Variants in HDAC9 observed in about 807,000 individuals in gnomAD.
The protein encoded by HDAC9 is histone deacetylase 9.
In HDAC9, 41 loss-of-function variants were observed where a neutral mutation model predicts 139.4. The observed-to-expected ratio is 0.29, with a 90% CI of 0.23 to 0.38. The LOEUF (loss-of-function observed/expected upper bound fraction) is 0.38, where lower values mean the gene tolerates loss of function less well. Ranked by LOEUF, HDAC9 falls within the 10% of genes least tolerant of loss-of-function variation. HDAC9 has a pLI of 1.00. For synonymous variants in HDAC9, 517 were observed against 476.2 expected, an observed-to-expected ratio of 1.09 and a Z score of -1.12; for missense variants, 1,147 against 1,297.0, an observed-to-expected ratio of 0.88 and a Z score of 1.78.
At chr7:18,358,059 G>A (rs1283699675) in intron 1 of HDAC9, among the ~76,000 whole-genome samples, 1 of 152,042 alleles carries the variant, frequency 6.6e-6, no homozygotes, top group African/African-American at 2.4e-5. Context: ...TGTGGTGGTG[G>A]GCACCTGTAA....
chr7:18,568,618 T>C (rs1035710528), intron 2 of HDAC9, among the ~76,000 whole-genome samples: 2 of 152,254 alleles, frequency 1.3e-5, no homozygotes, highest in Non-Finnish European at 2.9e-5. Flanking sequence ...GGTGTTCTCC[T>C]GTCATGTTCT....
At chr7:18,473,400 A>G (rs918189961) in intron 1 of HDAC9, among the ~76,000 whole-genome samples, 1 of 152,200 alleles carries the variant, frequency 6.6e-6, no homozygotes, top group South Asian at 2.1e-4. Flanking sequence ...TTTCTGCTAA[A>G]TCAACAGTTC....
chr7:18,706,795 T>G (rs566955405), intron 12 of HDAC9, among the ~76,000 whole-genome samples: 1 of 152,302 alleles, frequency 6.6e-6, no homozygotes, highest in Admixed American at 6.5e-5. Context: ...TCAAGAGTGC[T>G]GAGTTTCAGA....
At chr7:18,733,128 T>C (rs761720861) in intron 13 of HDAC9, among the ~76,000 whole-genome samples, 12 of 144,792 alleles carry the variant, frequency 8.3e-5, no homozygotes, top group Admixed American at 2.0e-4. Flanking sequence ...TATACATGTA[T>C]ATATATACAC....
At chr7:18,473,933 G>T (rs1794918647) in intron 1 of HDAC9, among the ~76,000 whole-genome samples, 2 of 152,192 alleles carry the variant, frequency 1.3e-5, no homozygotes, top group Non-Finnish European at 2.9e-5. Context: ...AGTTAATGGT[G>T]TTCCACACAC....
chr7:18,782,261 A>G lies in HDAC9; in HGVS notation c.2215-11084A>G, dbSNP rs1444996669. ...GTACCACATTAAACATGCACAGTGC[A>G]TATGAAACCTGTTTTGTTAATGGGC... On this transcript the variant is annotated intron_variant, in intron 16 of 25. Coordinates refer to ENST00000686413, the MANE Select transcript of HDAC9 (RefSeq NM_178425.4). Among the ~76,000 whole-genome samples the G allele has an allele frequency of 3.9e-5, 6 of 152,120 alleles. No homozygotes were observed. The East Asian group carries it at 1.2e-3, about 29-fold the overall frequency.
At chr7:18,650,770 A>G (rs1788979431) in intron 11 of HDAC9, among the ~76,000 whole-genome samples, 2 of 152,196 alleles carry the variant, frequency 1.3e-5, no homozygotes. Flanking sequence ...TGATTATTAA[A>G]TCTTGTCTTA....
At chr7:18,875,682 C>A (rs938018947) in intron 22 of HDAC9, among the ~76,000 whole-genome samples, 8 of 152,104 alleles carry the variant, frequency 5.3e-5, no homozygotes, top group Non-Finnish European at 1.0e-4. Context: ...CAAAATAATT[C>A]ATGATTTTGG....
At chr7:18,599,641 C>T (rs1441355140) in intron 6 of HDAC9, among the ~76,000 whole-genome samples, 1 of 152,200 alleles carries the variant, frequency 6.6e-6, no homozygotes, top group Non-Finnish European at 1.5e-5. Context: ...TTTTTGGTTA[C>T]TGAATAATAT....
intron 12 of HDAC9, among the ~76,000 whole-genome samples, chr7:18,720,195 C>T (rs895703175): frequency 2.6e-5 from 4 of 151,958 alleles, no homozygotes; most frequent in African/African-American, 9.7e-5. Context: ...TATGTTCTTT[C>T]TTATATTTTA....
chr7:18,494,197 T>C (rs1047087632), upstream of HDAC9, among the ~76,000 whole-genome samples: 4 of 152,090 alleles, frequency 2.6e-5, no homozygotes, highest in African/African-American at 9.7e-5. Context: ...AAATTGTAAC[T>C]TACATATCCA....
At chr7:18,932,866 A>AAGAAAGAAAGAT (rs1262162333) in intron 22 of HDAC9, among the ~76,000 whole-genome samples, 1 of 151,822 alleles carries the variant, frequency 6.6e-6, no homozygotes, top group Non-Finnish European at 1.5e-5. Flanking sequence ...GAAAGAAAGA[A>AAGAAAGAAAGAT]AGAAAGAAAG....
At chr7:18,531,892 T>G (rs1168887884) in intron 2 of HDAC9, among the ~76,000 whole-genome samples, 1 of 152,172 alleles carries the variant, frequency 6.6e-6, no homozygotes, top group African/African-American at 2.4e-5. Context: ...TTGTCAAAAT[T>G]TGGTGCTTCT....
At chr7:18,196,853 C>G (rs1263766395) in intron 2 of HDAC9, among the ~76,000 whole-genome samples, 1 of 152,058 alleles carries the variant, frequency 6.6e-6, no homozygotes, top group Non-Finnish European at 1.5e-5. Context: ...AAAAGTAAAA[C>G]CATAGTGTGA....
At chr7:18,794,326 A>C (rs371261408) in intron 17 of HDAC9, among the ~76,000 whole-genome samples, 2 of 52,076 alleles carry the variant, frequency 3.8e-5, no homozygotes, top group African/African-American at 1.6e-4. Flanking sequence ...AACCAAGATA[A>C]AATGTAATTA....
intron 22 of HDAC9, among the ~76,000 whole-genome samples, chr7:18,887,496 G>A (rs1354296886): frequency 3.9e-5 from 6 of 152,076 alleles, no homozygotes; most frequent in Admixed American, 1.3e-4. Context: ...TACAAATCAC[G>A]TGTGCTTTGG....
At chr7:18,358,333 T>G (rs1783490769) in intron 1 of HDAC9, among the ~76,000 whole-genome samples, 3 of 152,312 alleles carry the variant, frequency 2.0e-5, no homozygotes, top group Admixed American at 6.5e-5. Context: ...GCACAAACAC[T>G]TATGTAGGAG....
intron 25 of HDAC9, among the ~76,000 whole-genome samples, chr7:18,979,591 G>T (rs544563219): frequency 1.3e-5 from 2 of 152,260 alleles, no homozygotes; most frequent in South Asian, 4.1e-4. Flanking sequence ...AGCTGCGAAT[G>T]GGTAATTTAT....
intron 1 of HDAC9, among the ~76,000 whole-genome samples, chr7:18,434,532 T>G (rs1420708102): frequency 1.3e-5 from 2 of 152,100 alleles, no homozygotes; most frequent in East Asian, 1.9e-4. Flanking sequence ...TATAAGGAAT[T>G]TAATCAAATT....
Sources: gnomAD v4.1 joint callset for allele counts (sites outside exome capture counted in the v4.1 genomes callset) on GRCh38, gnomAD v4.1.1 for gene constraint, MANE v1.5 for transcripts, NCBI Gene and HGNC (gene_info 2026-07-23, HGNC 2026-07-21) for gene names.